The following GOLT1A variants were observed in gnomAD, a reference collection of about 807,000 sequenced individuals.
The protein encoded by GOLT1A is vesicle transport protein GOT1A.
In GOLT1A, 10 loss-of-function variants were observed where a neutral mutation model predicts 16.1. That is an observed-to-expected ratio of 0.62 (90% CI 0.38 to 1.05). The LOEUF is 1.05. Among genes scored for constraint, GOLT1A ranks in the 50% least tolerant of loss-of-function variants. The probability of loss-of-function intolerance (pLI) is 0.01; values close to 1 mark genes in which losing one functional copy is unlikely to be tolerated. For missense variants in GOLT1A, 137 were observed against 165.7 expected (o/e 0.83, Z 0.95); for synonymous variants, 60 against 67.9 (o/e 0.88, Z 0.57).
chr1:204,201,951 G>A (rs1361001859), intron 2 of GOLT1A, 140 bp from the exon 3 acceptor site: 16 of 710,542 alleles, frequency 2.3e-5, no homozygotes, highest in Middle Eastern at 4.0e-4. Context: ...ATCCAGCAGT[G>A]TGGCAGAATC....
At chr1:204,213,051 C>T (rs2102341957) in intron 1 of GOLT1A, among the ~76,000 whole-genome samples, 2 of 152,296 alleles carry the variant, frequency 1.3e-5, no homozygotes, top group Non-Finnish European at 2.9e-5. Context: ...CTCAGTGAGG[C>T]TTCCCTGACC....
intron 1 of GOLT1A, among the ~76,000 whole-genome samples, chr1:204,206,087 G>C (rs1173992755): frequency 6.6e-6 from 1 of 152,022 alleles, no homozygotes; most frequent in African/African-American, 2.4e-5. Flanking sequence ...AAAGAAAACA[G>C]AAAAATACAG....
At chr1:204,201,177 C>A (rs1014341983) in intron 3 of GOLT1A, among the ~76,000 whole-genome samples, 2 of 152,200 alleles carry the variant, frequency 1.3e-5, no homozygotes, top group African/African-American at 4.8e-5. Flanking sequence ...TTAAGGGCGA[C>A]CTTTTTCACA....
intron 1 of GOLT1A, among the ~76,000 whole-genome samples, chr1:204,212,938 C>T (rs904491708): frequency 6.6e-6 from 1 of 152,138 alleles, no homozygotes; most frequent in Non-Finnish European, 1.5e-5. Flanking sequence ...CTTTGCACTG[C>T]CTGTCCCTGC....
At chr1:204,209,165 G>A (rs946172240) in intron 1 of GOLT1A, among the ~76,000 whole-genome samples, 14 of 152,130 alleles carry the variant, frequency 9.2e-5, no homozygotes, top group African/African-American at 2.2e-4. Flanking sequence ...GTTTCCTCAC[G>A]ACTAGCTTCA....
chr1:204,207,644 G>A (rs1659065365), intron 1 of GOLT1A, among the ~76,000 whole-genome samples: 1 of 152,130 alleles, frequency 6.6e-6, no homozygotes, highest in Non-Finnish European at 1.5e-5. Flanking sequence ...GAGTCCTTCT[G>A]GCCTCAGGCA....
intron 2 of GOLT1A, 67 bp downstream of exon 2, chr1:204,202,829 A>AG: frequency 1.4e-5 from 16 of 1,105,650 alleles, no homozygotes; most frequent in Non-Finnish European, 2.1e-5. Context: ...TGCCAGGACT[A>AG]TCCTGGCAAT....
Position 204,202,949 on chromosome 1 carries a change from TGAA to T in GOLT1A, c.61_63del (p.Phe21del), listed in dbSNP as rs750607197. ...AAGTACAGGAGTGTTCCAAAGAGGATGAAGAAGATGCCGAAACCGGTGATCCCC... is the reference window on the plus strand; with the variant it reads ...AAGTACAGGAGTGTTCCAAAGAGGATGAAGATGCCGAAACCGGTGATCCCC... On this transcript the variant is annotated inframe_deletion, in exon 2 of 5. Coordinates refer to ENST00000308302, the MANE Select transcript of GOLT1A (RefSeq NM_198447.2). 60 of 1,613,948 alleles carry T rather than the reference TGAA, an allele frequency of 3.7e-5. No individual in the cohort carries two copies. In the South Asian group the frequency reaches 5.8e-4, roughly 16 times the overall value.
chr1:204,200,338 TTTGA>T (rs772269665), intron 3 of GOLT1A, among the ~76,000 whole-genome samples: 9,604 of 136,332 alleles, frequency 0.07, 542 homozygotes, highest in African/African-American at 0.13. Flanking sequence ...TTTTTTTTTT[TTTGA>T]GAGAGAGAGT....
At chr1:204,208,278 G>C (rs1659074745) in intron 1 of GOLT1A, among the ~76,000 whole-genome samples, 1 of 150,772 alleles carries the variant, frequency 6.6e-6, no homozygotes, top group Non-Finnish European at 1.5e-5. Context: ...TAGTCAATGA[G>C]TGTATAAATA....
intron 1 of GOLT1A, among the ~76,000 whole-genome samples, chr1:204,207,257 G>A (rs1330036566): frequency 1.3e-5 from 2 of 152,192 alleles, no homozygotes; most frequent in African/African-American, 2.4e-5. Context: ...ATTGGGCAGC[G>A]CGCCCTCTGC....
chr1:204,208,195 G>A (rs183896248), intron 1 of GOLT1A, among the ~76,000 whole-genome samples: 1 of 151,938 alleles, frequency 6.6e-6, no homozygotes, highest in Non-Finnish European at 1.5e-5. Context: ...ATACGGAAAA[G>A]ATACTTGCAC....
At chr1:204,200,299 G>GTATATATATATATACATATATATATA in intron 3 of GOLT1A, among the ~76,000 whole-genome samples, 1 of 82,676 alleles carries the variant, frequency 1.2e-5, no homozygotes, top group African/African-American at 5.5e-5. Flanking sequence ...ACATATATGT[G>GTATATATATATATACATATATATATA]TATATATATA....
intron 1 of GOLT1A, 120 bp downstream of exon 1, chr1:204,213,761 CT>C (rs1350613686): frequency 8.5e-7 from 1 of 1,173,394 alleles, no homozygotes; most frequent in Admixed American, 2.1e-5. Flanking sequence ...AGCACAGCAT[CT>C]CCCAGCCCCT....
At chr1:204,201,481 C>G (rs1015674121) in intron 3 of GOLT1A, 152 bp downstream of exon 3, 108 of 706,622 alleles carry the variant, frequency 1.5e-4, no homozygotes, top group Non-Finnish European at 4.0e-5. Flanking sequence ...TCCAAAGTAC[C>G]CTTCAGCCTA....
intron 3 of GOLT1A, among the ~76,000 whole-genome samples, chr1:204,200,973 C>G (rs1426373150): frequency 2.0e-5 from 3 of 152,186 alleles, no homozygotes; most frequent in East Asian, 3.9e-4. Context: ...TCTCTTAGAC[C>G]CTACCCATCC....
chr1:204,209,097 CT>C (rs973627380), intron 1 of GOLT1A, among the ~76,000 whole-genome samples: 2 of 152,204 alleles, frequency 1.3e-5, no homozygotes, highest in Admixed American at 6.5e-5. Flanking sequence ...GACCTTGACA[CT>C]TTTGAAGATT....
chr1:204,212,964 C>A (rs570540192), intron 1 of GOLT1A, among the ~76,000 whole-genome samples: 5 of 152,108 alleles, frequency 3.3e-5, no homozygotes, highest in Admixed American at 1.3e-4. Flanking sequence ...GAACATTTCC[C>A]CTCCAGAGAG....
intron 1 of GOLT1A, among the ~76,000 whole-genome samples, chr1:204,207,846 G>T (rs532903028): frequency 6.6e-6 from 1 of 151,988 alleles, no homozygotes; most frequent in African/African-American, 2.4e-5. Flanking sequence ...GGACACTAAG[G>T]ACATGAATAG....
Sources: gnomAD v4.1 joint callset for allele counts (sites outside exome capture counted in the v4.1 genomes callset) on GRCh38, gnomAD v4.1.1 for gene constraint, MANE v1.5 for transcripts, NCBI Gene and HGNC (gene_info 2026-07-23, HGNC 2026-07-21) for gene names.